Variants in PTPRD observed in about 807,000 individuals in gnomAD.
PTPRD encodes the protein protein tyrosine phosphatase receptor type D, also known as receptor-type tyrosine-protein phosphatase delta.
In PTPRD, 34 loss-of-function variants were observed where a neutral mutation model predicts 214.5. The ratio of observed to expected loss-of-function variants is 0.16; its 90% confidence interval spans 0.12 to 0.21. The LOEUF is 0.21. Ranked by LOEUF, PTPRD falls within the 10% of genes least tolerant of loss-of-function variation. The pLI is 1.00. For missense variants in PTPRD, 2,545 were observed against 2,398.7 expected (o/e 1.06, Z -1.27); for synonymous variants, 1,128 against 845.7 (o/e 1.33, Z -5.79).
chr9:8,955,048 G>C (rs1005124134), intron 11 of PTPRD, among the ~76,000 whole-genome samples: 5 of 151,746 alleles, frequency 3.3e-5, no homozygotes, highest in Non-Finnish European at 5.9e-5. Context: ...TAAGAAAAAA[G>C]CAATAAATTG....
chr9:10,578,857 G>C (rs897407369), intron 2 of PTPRD, among the ~76,000 whole-genome samples: 1 of 151,782 alleles, frequency 6.6e-6, no homozygotes, highest in Admixed American at 6.6e-5. Flanking sequence ...GTACCCAATA[G>C]TCGTGTTTTG....
At chr9:10,473,043 T>C (rs543709708) in intron 2 of PTPRD, among the ~76,000 whole-genome samples, 27 of 152,216 alleles carry the variant, frequency 1.8e-4, no homozygotes, top group African/African-American at 5.5e-4. Flanking sequence ...ATTATTTTAA[T>C]GTATATGACC....
At chr9:9,292,015 G>T (rs1193082572) in intron 9 of PTPRD, among the ~76,000 whole-genome samples, 4 of 151,026 alleles carry the variant, frequency 2.6e-5, no homozygotes, top group Non-Finnish European at 5.9e-5. Flanking sequence ...TTCCCAATCT[G>T]TCAGGTAATG....
chr9:9,096,432 C>T (rs1045656543), intron 10 of PTPRD, among the ~76,000 whole-genome samples: 1 of 152,098 alleles, frequency 6.6e-6, no homozygotes, highest in African/African-American at 2.4e-5. Flanking sequence ...TGGTTAAACT[C>T]CAGCACTGAA....
rs142543479 is a variant in PTPRD at position 10,406,522 on chromosome 9, C to G, written c.-599-65505G>C. On this transcript the variant is annotated intron_variant, in intron 2 of 45. Coordinates refer to ENST00000381196, the MANE Select transcript of PTPRD (RefSeq NM_002839.4). ...GGAAATTAGAAAAATGCATCCATAC[C>G]CCACAGAGCAAGCATCACCTGTTCT... Among the ~76,000 whole-genome samples the G allele has an allele frequency of 3.1e-3, 474 of 151,422 alleles. 3 individuals carry two copies. Among genetic ancestry groups the G allele is most frequent in the Middle Eastern group, 0.031 (9 of 294 alleles).
At chr9:10,271,684 C>T (rs1244199396) in intron 3 of PTPRD, among the ~76,000 whole-genome samples, 1 of 151,456 alleles carries the variant, frequency 6.6e-6, no homozygotes, top group Non-Finnish European at 1.5e-5. Context: ...CTGGCATTAT[C>T]GGCGTCTGCC....
At chr9:10,323,435 C>T (rs1465022758) in intron 3 of PTPRD, among the ~76,000 whole-genome samples, 1 of 151,040 alleles carries the variant, frequency 6.6e-6, no homozygotes, top group Non-Finnish European at 1.5e-5. Context: ...GCTTGGACTG[C>T]AGGTGCAATC....
chr9:9,942,001 A>G (rs2091585273), intron 4 of PTPRD, among the ~76,000 whole-genome samples: 1 of 152,190 alleles, frequency 6.6e-6, no homozygotes, highest in Admixed American at 6.5e-5. Context: ...GTTCTACCCC[A>G]CAATTGTTAA....
chr9:9,735,286 GTGTT>G (rs2098273153), intron 6 of PTPRD, among the ~76,000 whole-genome samples: 2 of 152,084 alleles, frequency 1.3e-5, no homozygotes, highest in African/African-American at 2.4e-5. Context: ...GCCTGCTTCT[GTGTT>G]TGAGCAGAAA....
At chr9:9,068,132 C>A (rs2099737888) in intron 10 of PTPRD, among the ~76,000 whole-genome samples, 1 of 152,194 alleles carries the variant, frequency 6.6e-6, no homozygotes, top group Non-Finnish European at 1.5e-5. Flanking sequence ...TTTTACTTAG[C>A]ATAATTTTCT....
At chr9:8,414,178 T>C (rs1481858377) in intron 35 of PTPRD, among the ~76,000 whole-genome samples, 1 of 152,024 alleles carries the variant, frequency 6.6e-6, no homozygotes, top group Non-Finnish European at 1.5e-5. Flanking sequence ...AAATATATAT[T>C]GGAATAGACC....
At chr9:9,275,230 T>C (rs1210285961) in intron 9 of PTPRD, among the ~76,000 whole-genome samples, 1 of 112,188 alleles carries the variant, frequency 8.9e-6, no homozygotes, top group Non-Finnish European at 1.7e-5. Flanking sequence ...CATTAGCATT[T>C]CATGCTCTTT....
At chr9:9,261,738 A>G (rs2099980205) in intron 9 of PTPRD, among the ~76,000 whole-genome samples, 1 of 151,556 alleles carries the variant, frequency 6.6e-6, no homozygotes, top group Admixed American at 6.6e-5. Flanking sequence ...AATTTTGAAG[A>G]GCTTGAGTAA....
intron 11 of PTPRD, among the ~76,000 whole-genome samples, chr9:8,950,668 G>C (rs1211458305): frequency 6.6e-6 from 1 of 151,108 alleles, no homozygotes; most frequent in Non-Finnish European, 1.5e-5. Flanking sequence ...GAACTTCCCA[G>C]AATCCTATAC....
At chr9:10,509,924 G>T (rs2047434304) in intron 2 of PTPRD, among the ~76,000 whole-genome samples, 1 of 151,794 alleles carries the variant, frequency 6.6e-6, no homozygotes, top group Non-Finnish European at 1.5e-5. Flanking sequence ...TACCTCCAAT[G>T]CCAATGAGCA....
At chr9:8,352,412 G>T (rs563790014) in intron 39 of PTPRD, among the ~76,000 whole-genome samples, 24 of 152,222 alleles carry the variant, frequency 1.6e-4, no homozygotes, top group African/African-American at 5.1e-4. Context: ...TTCACACAGA[G>T]ATTTTCCTTG....
chr9:8,761,928 C>T (rs1404903833), intron 11 of PTPRD, among the ~76,000 whole-genome samples: 1 of 152,104 alleles, frequency 6.6e-6, no homozygotes, highest in Non-Finnish European at 1.5e-5. Context: ...AGCTATAAAC[C>T]AAGGTCCCTA....
intron 5 of PTPRD, among the ~76,000 whole-genome samples, chr9:9,881,082 G>C (rs1019688845): frequency 6.6e-6 from 1 of 151,860 alleles, no homozygotes; most frequent in Admixed American, 6.6e-5. Context: ...ATTTTGGAAG[G>C]GTATATTCTG....
At chr9:10,582,947 G>T (rs2072490478) in intron 2 of PTPRD, among the ~76,000 whole-genome samples, 1 of 152,170 alleles carries the variant, frequency 6.6e-6, no homozygotes, top group Admixed American at 6.5e-5. Context: ...AGGATAGAGG[G>T]AGGAAAAAAT....
Sources: gnomAD v4.1 joint callset for allele counts (sites outside exome capture counted in the v4.1 genomes callset) on GRCh38, gnomAD v4.1.1 for gene constraint, MANE v1.5 for transcripts, NCBI Gene and HGNC (gene_info 2026-07-23, HGNC 2026-07-21) for gene names.